The following ARHGEF40 variants were observed in gnomAD, a reference collection of about 807,000 sequenced individuals.
ARHGEF40 encodes the protein Rho guanine nucleotide exchange factor 40.
In ARHGEF40, 98 loss-of-function variants were observed where a neutral mutation model predicts 165.9. The ratio of observed to expected loss-of-function variants is 0.59; its 90% CI spans 0.50 to 0.70. ARHGEF40 has a LOEUF of 0.70. Among genes scored for constraint, ARHGEF40 ranks in the 30% least tolerant of loss-of-function variants. The probability of loss-of-function intolerance (pLI) is 0.00; values close to 1 mark genes in which losing one functional copy is unlikely to be tolerated. For missense variants in ARHGEF40, 1,815 were observed against 1,968.0 expected (o/e 0.92, Z 1.47); for synonymous variants, 792 against 814.3 (o/e 0.97, Z 0.47).
chr14:21,083,169 A>C (rs61978225), intron 16 of ARHGEF40, among the ~76,000 whole-genome samples: 19,314 of 152,126 alleles, frequency 0.13, 1,706 homozygotes, highest in Non-Finnish European at 0.2. Context: ...AATGGGGGCA[A>C]TAGTCACTAT....
At chr14:21,085,558 C>T in intron 18 of ARHGEF40, 131 bp from the exon 19 acceptor site, 2 of 1,049,078 alleles carry the variant, frequency 1.9e-6, no homozygotes, top group East Asian at 2.6e-5. Context: ...GAGCACTTGG[C>T]ACGTGATAGG....
In ARHGEF40 at chr14:21,088,930, G is replaced by A. The variant is rs141705468; in HGVS notation, c.*5+54G>A. On this transcript the variant is annotated intron_variant, in intron 23 of 23. Transcript: ENST00000298694. ...ATCCAGCACTCCTACCATCTTGCATGTACCTTCCTTCCTGTCCCCGGCTAC... is the reference window on the plus strand; with the variant it reads ...ATCCAGCACTCCTACCATCTTGCATATACCTTCCTTCCTGTCCCCGGCTAC... 862 of 1,563,994 alleles carry A rather than the reference G, an allele frequency of 5.5e-4. 3 individuals are homozygous for A. In the East Asian group the frequency reaches 9.9e-3, roughly 18 times the overall value.
chr14:21,074,369 C>T lies in ARHGEF40; in HGVS notation c.639C>T (p.Pro213=). 1.2e-6 allele frequency: 2 copies of T among 1,613,512 alleles called. No homozygotes were observed. The highest frequency in any genetic ancestry group is 1.7e-6 in the Non-Finnish European group (2 of 1,179,700). The change falls in exon 3 of 24, where the codon CCC becomes CCT. Residue 213 remains proline (P), a synonymous_variant. Transcript: ENST00000298694. This position sits in a 1 kb window ranked among gnomAD's most constrained non-coding sequence, Gnocchi z 4.8. ...PELPSGPPGL[P]SPPLPEEALG... Reference sequence around the variant, plus strand: ...TGCCCTCTGGACCTCCAGGGCTTCCCAGCCCTCCACTTCCTGAGGAGGCGC... The same window carrying T: ...TGCCCTCTGGACCTCCAGGGCTTCCTAGCCCTCCACTTCCTGAGGAGGCGC...
Position 21,082,004 on chromosome 14 carries a change from G to A in ARHGEF40, c.3136G>A (p.Glu1046Lys). 1 of 1,578,642 alleles carries A rather than the reference G, an allele frequency of 6.3e-7. No individual in the cohort carries two copies. Among genetic ancestry groups the A allele is most frequent in the Non-Finnish European group, 8.6e-7 (1 of 1,161,852 alleles). ...LIRGLEVTST[E>K]VVDRTCSPRE... ...CCGAGGCCTGGAGGTCACCAGCACT[G>A]AGGTGGTAGACAGGACGTGCTCACC... Residue 1046 changes from glutamate to lysine, a missense_variant, in exon 14 of 24, where the codon GAG becomes AAG. Coordinates refer to ENST00000298694, the MANE Select transcript of ARHGEF40 (RefSeq NM_018071.5).
chr14:21,069,904 G>A (rs1210673160), upstream of ARHGEF40, among the ~76,000 whole-genome samples: 1 of 152,242 alleles, frequency 6.6e-6, no homozygotes, highest in Non-Finnish European at 1.5e-5. Flanking sequence ...GTTCTGGGAA[G>A]GGGCGGCCCA....
chr14:21,070,355 CG>C lies in ARHGEF40; in HGVS notation c.-41del. 1 of 1,409,226 alleles carries C rather than the reference CG, an allele frequency of 7.1e-7. No individual in the cohort carries two copies. Among genetic ancestry groups the C allele is most frequent in the Non-Finnish European group, 9.2e-7 (1 of 1,087,832 alleles). The allele number at this position is 1,409,226 out of a possible 1,614,324, so 87.3% of individuals were successfully genotyped here. On this transcript the variant is annotated 5_prime_UTR_variant, in exon 1 of 24. Coordinates refer to ENST00000298694, the MANE Select transcript of ARHGEF40 (RefSeq NM_018071.5). The surrounding 1 kb of genome is among the most constrained non-coding windows in gnomAD (Gnocchi z 4.7). ...AGGGAGGCGGTGGCGCGCCCGGCCC[CG>C]CCCGCCCGACCAAGCGTCGGACGCG...
At chr14:21,081,167 T>C (rs1594569411) in intron 13 of ARHGEF40, 151 bp downstream of exon 13, 2 of 1,266,012 alleles carry the variant, frequency 1.6e-6, no homozygotes, top group Non-Finnish European at 2.1e-6. Flanking sequence ...CCTTGCTGAA[T>C]GGCATGGGGC....
chr14:21,065,958 G>C (rs945448384), upstream of ARHGEF40, among the ~76,000 whole-genome samples: 1 of 152,188 alleles, frequency 6.6e-6, no homozygotes, highest in Non-Finnish European at 1.5e-5. Flanking sequence ...AATTAGCTGG[G>C]TGTGGTGGTG....
rs1274202377 is a variant in ARHGEF40, at chr14:21,070,785, C to A, written c.3+386C>A. ...AGACCCCTGCGGGTTGGTCCTGCAG[C>A]GACCCTGGAAGAGGCCCGGCCCCTC... is the stretch of plus-strand genomic sequence containing the variant. On this transcript the variant is annotated intron_variant, in intron 1 of 23. Coordinates refer to ENST00000298694, the MANE Select transcript of ARHGEF40 (RefSeq NM_018071.5). The surrounding 1 kb of genome is among the most constrained non-coding windows in gnomAD (Gnocchi z 4.7). The A allele has an allele frequency of 6.5e-7, 1 of 1,533,462 alleles. No individual in the cohort carries two copies. The highest frequency in any genetic ancestry group is 2.5e-5 in the East Asian group (1 of 40,762). The allele number at this position is 1,533,462 out of a possible 1,614,324, so 95.0% of individuals were successfully genotyped here.
At chr14:21,078,341 A>G in intron 9 of ARHGEF40, 32 bp from the exon 10 acceptor site, 1 of 1,596,556 alleles carries the variant, frequency 6.3e-7, no homozygotes, top group East Asian at 2.2e-5. Context: ...TCTCTGGTGG[A>G]ACCCCAACTG....
intron 13 of ARHGEF40, 58 bp from the exon 14 acceptor site, chr14:21,081,451 G>A (rs544002694): frequency 9.8e-5 from 154 of 1,579,462 alleles, no homozygotes; most frequent in Middle Eastern, 1.7e-4. Context: ...GGCATCCTTC[G>A]TGAGCAACAC....
At chr14:21,081,207 G>C in intron 13 of ARHGEF40, 191 bp downstream of exon 13, 1 of 957,224 alleles carries the variant, frequency 1.0e-6, no homozygotes, top group African/African-American at 1.7e-5. Flanking sequence ...TGCCTCCATA[G>C]ATCTACCTCA....
intron 15 of ARHGEF40, 41 bp from the exon 16 acceptor site, chr14:21,082,790 G>A (rs200304546): frequency 1.5e-5 from 23 of 1,581,658 alleles, no homozygotes; most frequent in African/African-American, 5.4e-5. Flanking sequence ...TGTCTGCAGC[G>A]GCCTCACCGG....
At position 21,073,034 on chromosome 14, in the gene ARHGEF40, T is replaced by C; in HGVS notation, c.4-11T>C. ...TCTCTAGGGATCTGTAGCCTGGTCC[T>C]ATCTCTACAGGAGCCTGAGCCAGTG... On this transcript the variant is annotated splice_polypyrimidine_tract_variant and intron_variant, in intron 1 of 23. Coordinates refer to ENST00000298694, the MANE Select transcript of ARHGEF40 (RefSeq NM_018071.5). This position sits in a 1 kb window ranked among gnomAD's most constrained non-coding sequence, Gnocchi z 4.6. 1 of 1,612,022 alleles carries C rather than the reference T, an allele frequency of 6.2e-7. No homozygotes were observed. The highest frequency in any genetic ancestry group is 2.2e-5 in the East Asian group (1 of 44,792).
chr14:21,067,843 T>C (rs1886354377), upstream of ARHGEF40, among the ~76,000 whole-genome samples: 3 of 151,506 alleles, frequency 2.0e-5, no homozygotes. Flanking sequence ...TGCAACCACA[T>C]GTCACTTACT....
At position 21,073,439 on chromosome 14, in the gene ARHGEF40, A is replaced by AACACAC. The variant is rs35990507; in HGVS notation, c.201+213_201+218dup. 4.0e-5 allele frequency among the ~76,000 whole-genome samples: 6 copies of AACACAC among 150,104 alleles called. No individual in the cohort carries two copies. The highest frequency in any genetic ancestry group is 2.1e-4 in the South Asian group (1 of 4,714). ...CACAGGCACTGACCATTCAGATGCT[A>AACACAC]ACACACACACACACACACACATTCA... is the stretch of plus-strand genomic sequence containing the variant. On this transcript the variant is annotated intron_variant, in intron 2 of 23. Transcript: ENST00000298694. The surrounding 1 kb of genome is among the most constrained non-coding windows in gnomAD (Gnocchi z 4.6).
In ARHGEF40 at chr14:21,073,964, G is replaced by A; in HGVS notation, c.234G>A (p.Glu78=). Residue 78 remains glutamate (E), a synonymous_variant, in exon 3 of 24, where the codon GAG becomes GAA. Transcript: ENST00000298694. This position sits in a 1 kb window ranked among gnomAD's most constrained non-coding sequence, Gnocchi z 4.6. ...AQYSGFLFFH[E]GWPLCLHEQV... ...ACAGTGGATTCCTCTTCTTCCATGA[G>A]GGGTGGCCGCTCTGCCTGCATGAAC... is the stretch of plus-strand genomic sequence containing the variant. 1 of 1,608,834 alleles carries A rather than the reference G, an allele frequency of 6.2e-7. No homozygotes were observed. The highest frequency in any genetic ancestry group is 1.1e-5 in the South Asian group (1 of 91,028).
At position 21,073,859 on chromosome 14, in the gene ARHGEF40, C is replaced by A; in HGVS notation, c.202-73C>A. 6.6e-7 allele frequency: 1 copy of A among 1,512,190 alleles called. No individual in the cohort carries two copies. The highest frequency in any genetic ancestry group is 8.9e-7 in the Non-Finnish European group (1 of 1,125,110). The allele number at this position is 1,512,190 out of a possible 1,614,324, so 93.7% of individuals were successfully genotyped here. A position where few individuals can be genotyped will look rare whatever the true frequency, so the allele number is the denominator to read the frequency against. The stretch of plus-strand genomic sequence containing the variant: ...TAAGGCTGGTCCTGCCTAGGGTGGG[C>A]CCATTCTAACTGCCCTCTCCTGCTG... On this transcript the variant is annotated intron_variant, in intron 2 of 23. Coordinates refer to ENST00000298694, the MANE Select transcript of ARHGEF40 (RefSeq NM_018071.5). This position sits in a 1 kb window ranked among gnomAD's most constrained non-coding sequence, Gnocchi z 4.6.
chr14:21,067,483 C>A (rs775119649), upstream of ARHGEF40, among the ~76,000 whole-genome samples: 1 of 152,152 alleles, frequency 6.6e-6, no homozygotes, highest in Non-Finnish European at 1.5e-5. Flanking sequence ...AAGCCTCTGG[C>A]GTCAGACAGC....
Sources: allele counts gnomAD v4.1 joint callset (sites outside exome capture counted in the v4.1 genomes callset), GRCh38; gene constraint gnomAD v4.1.1; non-coding constraint Gnocchi (gnomAD v3.1); transcripts MANE v1.5; gene names NCBI Gene and HGNC (gene_info 2026-07-23, HGNC 2026-07-21).